PCDH7: variants seen among roughly 807,000 people sequenced by gnomAD.
PCDH7 encodes protocadherin-7.
PCDH7 carries 17 observed loss-of-function variants against 58.9 expected under a neutral mutation model. The ratio of observed to expected loss-of-function variants is 0.29; its 90% CI spans 0.20 to 0.43. The LOEUF is 0.43. Ranked by LOEUF, PCDH7 falls within the 20% of genes least tolerant of loss-of-function variation. The probability of loss-of-function intolerance (pLI) is 1.00; values close to 1 mark genes in which losing one functional copy is unlikely to be tolerated. For synonymous variants in PCDH7, 664 were observed against 616.4 expected, an observed-to-expected ratio of 1.08 and a Z score of -1.14; for missense variants, 1,274 against 1,441.0, an observed-to-expected ratio of 0.88 and a Z score of 1.88.
chr4:31,052,414 C>A (rs935390108), intron 3 of PCDH7, among the ~76,000 whole-genome samples: 5 of 152,092 alleles, frequency 3.3e-5, no homozygotes, highest in African/African-American at 9.7e-5. Context: ...TTGGAGTTTA[C>A]AATTCAGTTG....
intron 3 of PCDH7, among the ~76,000 whole-genome samples, chr4:30,964,685 C>T (rs893589588): frequency 3.3e-5 from 5 of 149,990 alleles, no homozygotes; most frequent in Admixed American, 6.7e-5. Flanking sequence ...GAGCTTTGGA[C>T]AACAGAAGTA....
chr4:30,741,099 G>T (rs77697764), intron 1 of PCDH7, among the ~76,000 whole-genome samples: 1 of 151,362 alleles, frequency 6.6e-6, no homozygotes, highest in South Asian at 2.1e-4. Flanking sequence ...CTTTGATATC[G>T]GTTATATAAT....
At chr4:31,132,326 T>C (rs770949515) in intron 3 of PCDH7, among the ~76,000 whole-genome samples, 1 of 152,084 alleles carries the variant, frequency 6.6e-6, no homozygotes, top group African/African-American at 2.4e-5. Flanking sequence ...TCATGGGGGA[T>C]AGCAAAGATA....
At chr4:30,956,971 C>A (rs1043851178) in intron 3 of PCDH7, among the ~76,000 whole-genome samples, 9 of 152,124 alleles carry the variant, frequency 5.9e-5, no homozygotes, top group African/African-American at 1.9e-4. Context: ...GGTCGGCATC[C>A]CTTTGTAAAG....
chr4:30,977,089 A>T (rs1372913895), intron 3 of PCDH7, among the ~76,000 whole-genome samples: 1 of 152,204 alleles, frequency 6.6e-6, no homozygotes, highest in Admixed American at 6.5e-5. Context: ...TAAAAGATTG[A>T]TAAATAAGTA....
At chr4:30,887,771 A>G (rs1434853177) in intron 1 of PCDH7, among the ~76,000 whole-genome samples, 1 of 152,160 alleles carries the variant, frequency 6.6e-6, no homozygotes, top group African/African-American at 2.4e-5. Flanking sequence ...AGACTCAATG[A>G]AGTTTATGAG....
intron 3 of PCDH7, among the ~76,000 whole-genome samples, chr4:31,083,941 G>T (rs900456431): frequency 6.6e-6 from 1 of 152,176 alleles, no homozygotes; most frequent in Non-Finnish European, 1.5e-5. Flanking sequence ...CTTTTAAGTA[G>T]AAATTAAGTG....
chr4:31,077,369 ATTGCAC>A (rs1759087977), intron 3 of PCDH7, among the ~76,000 whole-genome samples: 1 of 148,872 alleles, frequency 6.7e-6, no homozygotes, highest in African/African-American at 2.5e-5. Context: ...AGATCATGCC[ATTGCAC>A]TCCAGCCTGG....
chr4:31,069,858 C>T (rs1758399009), intron 3 of PCDH7, among the ~76,000 whole-genome samples: 2 of 88,778 alleles, frequency 2.3e-5, no homozygotes, highest in African/African-American at 4.3e-5. Flanking sequence ...ATAAATTAAT[C>T]TCAAATTTTC....
intron 3 of PCDH7, among the ~76,000 whole-genome samples, chr4:31,044,533 T>C (rs1691068008): frequency 6.6e-6 from 1 of 152,050 alleles, no homozygotes; most frequent in Admixed American, 6.6e-5. Flanking sequence ...CTGTGTTTTC[T>C]TATGCTAGGA....
chr4:31,084,678 T>C (rs1386430676), intron 3 of PCDH7, among the ~76,000 whole-genome samples: 1 of 84,928 alleles, frequency 1.2e-5, no homozygotes, highest in Non-Finnish European at 2.2e-5. Context: ...GAGAGAGAGA[T>C]AAAGGGGGAG....
chr4:31,119,375 C>G (rs1717377638), intron 3 of PCDH7, among the ~76,000 whole-genome samples: 1 of 152,090 alleles, frequency 6.6e-6, no homozygotes, highest in South Asian at 2.1e-4. Context: ...AATCCACACC[C>G]TTTACCTTAA....
intron 3 of PCDH7, among the ~76,000 whole-genome samples, chr4:30,976,282 G>A (rs1230492819): frequency 1.3e-5 from 2 of 151,844 alleles, no homozygotes; most frequent in South Asian, 2.1e-4. Flanking sequence ...GTAGAGATGG[G>A]GTTTCTCCAT....
At chr4:31,099,489 A>G (rs1221927484) in intron 3 of PCDH7, among the ~76,000 whole-genome samples, 2 of 152,244 alleles carry the variant, frequency 1.3e-5, no homozygotes, top group Non-Finnish European at 1.5e-5. Context: ...AGGGAAAGTG[A>G]TGTGGAATAA....
chr4:30,840,817 G>T (rs2109338188), intron 1 of PCDH7, among the ~76,000 whole-genome samples: 1 of 151,960 alleles, frequency 6.6e-6, no homozygotes, highest in East Asian at 1.9e-4. Context: ...GTTTATTTAT[G>T]AGTCGTGGAA....
At chr4:30,971,939 C>T (rs1290321243) in intron 3 of PCDH7, among the ~76,000 whole-genome samples, 6 of 151,762 alleles carry the variant, frequency 4.0e-5, no homozygotes, top group East Asian at 1.9e-4. Context: ...CCAGCCTGGG[C>T]GACAGAATGA....
intron 3 of PCDH7, among the ~76,000 whole-genome samples, chr4:30,979,956 A>G (rs1750406490): frequency 6.6e-6 from 1 of 152,170 alleles, no homozygotes; most frequent in African/African-American, 2.4e-5. Flanking sequence ...CCCCACCCTG[A>G]CACTATGGTG....
At chr4:30,931,020 T>C (rs1229616742) in intron 2 of PCDH7, among the ~76,000 whole-genome samples, 1 of 152,114 alleles carries the variant, frequency 6.6e-6, no homozygotes, top group African/African-American at 2.4e-5. Flanking sequence ...GAAGTTAGCA[T>C]TGGGAAAGTA....
At chr4:31,000,153 C>G (rs1234721175) in intron 3 of PCDH7, among the ~76,000 whole-genome samples, 2 of 152,070 alleles carry the variant, frequency 1.3e-5, no homozygotes, top group Non-Finnish European at 2.9e-5. Flanking sequence ...ATGGTCCCAT[C>G]TGGAATAGCT....
Sources: allele counts gnomAD v4.1 joint callset (sites outside exome capture counted in the v4.1 genomes callset), GRCh38; gene constraint gnomAD v4.1.1; transcripts MANE v1.5; gene names NCBI Gene and HGNC (gene_info 2026-07-23, HGNC 2026-07-21).